CNBD1: variants seen among roughly 807,000 people sequenced by gnomAD.
CNBD1 encodes the protein cyclic nucleotide binding domain containing 1, also known as cyclic nucleotide-binding domain-containing protein 1.
Under a neutral mutation model 54.4 loss-of-function variants are expected in CNBD1, and 71 were observed. That is an observed-to-expected ratio of 1.30 (90% confidence interval 1.08 to 1.59). The LOEUF is 1.59. Ranked by LOEUF, CNBD1 falls within the 40% of genes most tolerant of loss-of-function variation. The probability of loss-of-function intolerance (pLI) is 0.00; values close to 1 mark genes in which losing one functional copy is unlikely to be tolerated. For missense variants in CNBD1, 659 were observed against 518.0 expected, an observed-to-expected ratio of 1.27 and a Z score of -2.64; for synonymous variants, 182 against 170.7, an observed-to-expected ratio of 1.07 and a Z score of -0.51.
At chr8:87,229,110 G>T (rs193216479) in intron 5 of CNBD1, among the ~76,000 whole-genome samples, 2 of 152,052 alleles carry the variant, frequency 1.3e-5, no homozygotes, top group South Asian at 4.1e-4. Context: ...GCTTTGGCTC[G>T]CACATGGTGC....
intron 4 of CNBD1, among the ~76,000 whole-genome samples, chr8:86,940,132 C>CTTTTTTTTCTTTTTTTT (rs1554632387): frequency 3.4e-5 from 3 of 88,742 alleles, no homozygotes; most frequent in African/African-American, 1.4e-4. Flanking sequence ...CCACATGTTA[C>CTTTTTTTTCTTTTTTTT]TTTTTTTTTT....
At chr8:87,246,789 TA>T (rs1807814694) in intron 6 of CNBD1, among the ~76,000 whole-genome samples, 1 of 152,034 alleles carries the variant, frequency 6.6e-6, no homozygotes, top group African/African-American at 2.4e-5. Context: ...TTCCACGGAC[TA>T]GGGGTGGGGG....
chr8:87,122,672 G>A lies in CNBD1; in HGVS notation c.432-83321G>A, dbSNP rs73693041. 4.1e-3 allele frequency among the ~76,000 whole-genome samples: 619 copies of A among 151,722 alleles called. 1 individual carries two copies. Among genetic ancestry groups the A allele is most frequent in the African/African-American group, 0.014 (578 of 41,480 alleles). ...ATTTAGCATTCCCCCTATTTTATTC[G>A]AGTAGTTTTACAATTTCAGGACCTA... On this transcript the variant is annotated intron_variant, in intron 4 of 10. Coordinates refer to ENST00000518476, the MANE Select transcript of CNBD1 (RefSeq NM_173538.3).
chr8:86,887,461 G>A (rs1037228762), intron 1 of CNBD1, 81 bp from the exon 2 acceptor site: 1 of 837,428 alleles, frequency 1.2e-6, no homozygotes. Context: ...TATGATGAAT[G>A]TTTGCAATTA....
intron 4 of CNBD1, among the ~76,000 whole-genome samples, chr8:87,196,332 A>G (rs1048265121): frequency 2.6e-5 from 4 of 152,342 alleles, no homozygotes; most frequent in South Asian, 4.1e-4. Context: ...TTACTCTTCA[A>G]CTGAGCAGAT....
intron 4 of CNBD1, among the ~76,000 whole-genome samples, chr8:86,979,538 C>T (rs1037430415): frequency 1.3e-5 from 2 of 151,686 alleles, no homozygotes; most frequent in African/African-American, 2.4e-5. Context: ...TGTAGTGAGC[C>T]GTGATCTACT....
intron 6 of CNBD1, among the ~76,000 whole-genome samples, chr8:87,253,877 G>A (rs749756578): frequency 2.0e-4 from 30 of 152,062 alleles, no homozygotes; most frequent in Non-Finnish European, 2.4e-4. Flanking sequence ...AGAATTGGAC[G>A]GGAATTGGAA....
At chr8:87,264,191 C>A (rs1023607996) in intron 6 of CNBD1, among the ~76,000 whole-genome samples, 1 of 151,598 alleles carries the variant, frequency 6.6e-6, no homozygotes, top group Admixed American at 6.6e-5. Context: ...TGTTCCCCTT[C>A]CTGTGTCCAT....
intron 2 of CNBD1, among the ~76,000 whole-genome samples, chr8:87,411,975 T>C (rs548013218): frequency 4.6e-5 from 7 of 151,992 alleles, no homozygotes; most frequent in South Asian, 2.1e-4. Context: ...TTTTTCTTAT[T>C]ACTACAACTG....
At chr8:87,304,469 C>G (rs1326796127) in intron 8 of CNBD1, among the ~76,000 whole-genome samples, 1 of 151,696 alleles carries the variant, frequency 6.6e-6, no homozygotes, top group Non-Finnish European at 1.5e-5. Flanking sequence ...GGGAACATCA[C>G]ACACCAGGGC....
chr8:87,036,594 TAAAAAAAAAAAAAA>T (rs58299323), intron 4 of CNBD1, among the ~76,000 whole-genome samples: 8 of 64,744 alleles, frequency 1.2e-4, no homozygotes, highest in Non-Finnish European at 5.5e-5. Flanking sequence ...ACTGCATCTC[TAAAAAAAAAAAAAA>T]AAAAAAAAAA....
At chr8:87,003,827 G>A (rs1338937004) in intron 4 of CNBD1, among the ~76,000 whole-genome samples, 1 of 152,062 alleles carries the variant, frequency 6.6e-6, no homozygotes, top group Non-Finnish European at 1.5e-5. Flanking sequence ...AATGTCAACT[G>A]GGAGACTAAC....
intron 4 of CNBD1, among the ~76,000 whole-genome samples, chr8:87,079,019 C>A (rs2030726): frequency 3.3e-5 from 5 of 151,738 alleles, no homozygotes; most frequent in Non-Finnish European, 4.4e-5. Flanking sequence ...TCTATCCCCC[C>A]CTTTTTTTCT....
At chr8:86,971,731 T>G (rs1284555213) in intron 4 of CNBD1, among the ~76,000 whole-genome samples, 1 of 152,122 alleles carries the variant, frequency 6.6e-6, no homozygotes, top group Non-Finnish European at 1.5e-5. Flanking sequence ...ATTATTTTCT[T>G]ATTATATTTT....
At chr8:87,326,038 T>G (rs113699462) in intron 8 of CNBD1, among the ~76,000 whole-genome samples, 20 of 117,378 alleles carry the variant, frequency 1.7e-4, no homozygotes, top group South Asian at 2.6e-4. Context: ...GTCTGTAAAG[T>G]ATTTTATTTC....
chr8:86,892,913 TGAAGA>T (rs1249835035), intron 2 of CNBD1, among the ~76,000 whole-genome samples: 4 of 152,206 alleles, frequency 2.6e-5, no homozygotes, highest in Non-Finnish European at 5.9e-5. Context: ...AATAAAGAAA[TGAAGA>T]GATAGGGGAC....
Position 87,115,318 on chromosome 8 carries a change from G to A in CNBD1, c.432-90675G>A, listed in dbSNP as rs191800912. ...GTATCTCTATTTTTAAAACCATTTC[G>A]AACAGTAATGTGAATTTTTTGGGAA... On this transcript the variant is annotated intron_variant, in intron 4 of 10. Coordinates refer to ENST00000518476, the MANE Select transcript of CNBD1 (RefSeq NM_173538.3). Among the ~76,000 whole-genome samples the A allele has an allele frequency of 3.1e-3, 465 of 152,164 alleles. 4 individuals carry two copies. The highest frequency in any genetic ancestry group is 4.8e-3 in the Non-Finnish European group (325 of 67,990).
At chr8:86,898,749 G>A (rs958390586) in intron 2 of CNBD1, among the ~76,000 whole-genome samples, 3 of 152,086 alleles carry the variant, frequency 2.0e-5, no homozygotes, top group Non-Finnish European at 2.9e-5. Context: ...TCTAGGTAAC[G>A]TTGGGTTTGG....
At chr8:87,370,881 G>T (rs9720909) in intron 10 of CNBD1, among the ~76,000 whole-genome samples, 5 of 149,168 alleles carry the variant, frequency 3.4e-5, no homozygotes, top group African/African-American at 1.0e-4. Flanking sequence ...TAAGTCTTTA[G>T]TCCATCTTGA....
Sources: allele counts gnomAD v4.1 joint callset (sites outside exome capture counted in the v4.1 genomes callset), GRCh38; gene constraint gnomAD v4.1.1; transcripts MANE v1.5; gene names NCBI Gene and HGNC (gene_info 2026-07-23, HGNC 2026-07-21).